Variants in ALG6 observed in about 807,000 individuals in gnomAD.
ALG6 encodes dolichyl pyrophosphate Man9GlcNAc2 alpha-1,3-glucosyltransferase.
Under a neutral mutation model 66.6 loss-of-function variants are expected in ALG6, and 46 were observed. The ratio of observed to expected loss-of-function variants is 0.69; its 90% CI spans 0.55 to 0.88. The LOEUF is 0.88. Among genes scored for constraint, ALG6 ranks in the 40% least tolerant of loss-of-function variants. The probability of loss-of-function intolerance (pLI) is 0.00; values close to 1 mark genes in which losing one functional copy is unlikely to be tolerated. For missense variants in ALG6, 505 were observed against 586.8 expected (o/e 0.86, Z 1.44); for synonymous variants, 185 against 203.7 (o/e 0.91, Z 0.78).
At position 63,406,404 on chromosome 1, in the gene ALG6, G is replaced by A; in HGVS notation, c.429+5G>A. 6.2e-7 allele frequency: 1 copy of A among 1,610,744 alleles called. No homozygotes were observed. On this transcript the variant is annotated splice_donor_5th_base_variant and intron_variant, in intron 6 of 14. Transcript: ENST00000263440. ...GAAATCTCAACTAAGAAAAAGGTAG[G>A]TTTTCAAGCAGCCTGACAGTTCGTC...
chr1:63,382,116 G>C (rs1345689184), intron 2 of ALG6, among the ~76,000 whole-genome samples: 4 of 148,312 alleles, frequency 2.7e-5, no homozygotes, highest in Non-Finnish European at 6.0e-5. Context: ...AATTTGTATG[G>C]GTACATAGTA....
chr1:63,384,814 C>G (rs924433445), intron 2 of ALG6, among the ~76,000 whole-genome samples: 4 of 152,120 alleles, frequency 2.6e-5, no homozygotes, highest in African/African-American at 9.7e-5. Context: ...TCTGGGTTCT[C>G]TATTCTGTTC....
intron 5 of ALG6, among the ~76,000 whole-genome samples, chr1:63,404,967 T>C (rs968004555): frequency 6.6e-6 from 1 of 152,146 alleles, no homozygotes. Context: ...ATCTTATACA[T>C]TGTATTGTTG....
chr1:63,376,850 TCTTA>T (rs1444839255), intron 2 of ALG6, among the ~76,000 whole-genome samples: 6 of 152,198 alleles, frequency 3.9e-5, no homozygotes, highest in Admixed American at 1.3e-4. Context: ...TTTTTTATAT[TCTTA>T]CTGATATTTT....
chr1:63,428,846 A>G (rs745369402), intron 13 of ALG6, 45 bp downstream of exon 13: 1 of 1,586,146 alleles, frequency 6.3e-7, no homozygotes, highest in East Asian at 2.2e-5. Context: ...AATTCTTGTA[A>G]ACTAATTTAA....
chr1:63,435,370 AT>A (rs1325039386), intron 14 of ALG6, among the ~76,000 whole-genome samples: 2 of 152,140 alleles, frequency 1.3e-5, no homozygotes, highest in East Asian at 3.9e-4. Context: ...TGCCTCAGGA[AT>A]TTTTCCTTTA....
chr1:63,371,365 G>A, intron 2 of ALG6: 1 of 366,448 alleles, frequency 2.7e-6, no homozygotes, highest in Non-Finnish European at 5.2e-6. Flanking sequence ...GGGAGGGGTG[G>A]AGTCTGTTTA....
At chr1:63,430,814 A>G (rs931685140) in intron 14 of ALG6, among the ~76,000 whole-genome samples, 29 of 151,894 alleles carry the variant, frequency 1.9e-4, no homozygotes, top group African/African-American at 6.8e-4. Flanking sequence ...TTAACTTGCA[A>G]ATATCCTCTC....
chr1:63,421,461 C>A (rs571511096), intron 12 of ALG6, among the ~76,000 whole-genome samples: 9 of 152,244 alleles, frequency 5.9e-5, no homozygotes, highest in African/African-American at 2.2e-4. Flanking sequence ...ACCCAGCAAT[C>A]CCATTACTGA....
intron 12 of ALG6, among the ~76,000 whole-genome samples, chr1:63,426,825 T>C (rs965300534): frequency 2.6e-5 from 4 of 152,228 alleles, no homozygotes; most frequent in Non-Finnish European, 5.9e-5. Context: ...ATTACAGTTG[T>C]GAGCCCCTGC....
chr1:63,404,833 A>G (rs1314765903), intron 5 of ALG6, among the ~76,000 whole-genome samples: 1 of 152,142 alleles, frequency 6.6e-6, no homozygotes, highest in Non-Finnish European at 1.5e-5. Flanking sequence ...AGCTGAGGAA[A>G]CTGAGGCATA....
chr1:63,372,987 C>CA (rs959056014), intron 2 of ALG6, among the ~76,000 whole-genome samples: 1 of 151,670 alleles, frequency 6.6e-6, no homozygotes, highest in African/African-American at 2.4e-5. Flanking sequence ...TGTATACACA[C>CA]ACACATACAT....
intron 14 of ALG6, among the ~76,000 whole-genome samples, chr1:63,435,532 TTC>T (rs1394623739): frequency 6.6e-6 from 1 of 152,100 alleles, no homozygotes; most frequent in African/African-American, 2.4e-5. Context: ...TCCTTTAGGG[TTC>T]TGTGTCCCAC....
chr1:63,406,988 TAAAAA>T, intron 6 of ALG6, 69 bp from the exon 7 acceptor site: 1 of 1,191,434 alleles, frequency 8.4e-7, no homozygotes, highest in South Asian at 1.2e-5. Flanking sequence ...ATGTGTTAGA[TAAAAA>T]CCACACTTTT....
intron 12 of ALG6, among the ~76,000 whole-genome samples, chr1:63,425,800 T>G (rs1339467940): frequency 2.0e-5 from 3 of 152,068 alleles, no homozygotes; most frequent in Admixed American, 1.3e-4. Context: ...ATGGGAGTGA[T>G]TATAATGATT....
chr1:63,374,154 T>G (rs370566267), intron 2 of ALG6, among the ~76,000 whole-genome samples: 35 of 152,302 alleles, frequency 2.3e-4, no homozygotes, highest in African/African-American at 7.9e-4. Context: ...TCAGTGCTCT[T>G]ATGACTGTGC....
Position 63,396,668 on chromosome 1 carries a change from C to A in ALG6, c.167+71C>A, listed in dbSNP as rs1183720960. On this transcript the variant is annotated intron_variant, in intron 3 of 14. Coordinates refer to ENST00000263440, the MANE Select transcript of ALG6 (RefSeq NM_013339.4). ...AGATTGTTTGAAAATATTAAAGGGA[C>A]AACACGCTATTTTCTTCATCTTGAA... 6 of 1,313,006 alleles carry A rather than the reference C, an allele frequency of 4.6e-6. No homozygotes were observed. The Admixed American group carries it at 1.0e-4, about 23-fold the overall frequency. The allele number at this position is 1,313,006 out of a possible 1,614,324, so 81.3% of individuals were successfully genotyped here.
At chr1:63,400,355 ATATATG>A (rs1644457767) in intron 3 of ALG6, among the ~76,000 whole-genome samples, 1 of 118,436 alleles carries the variant, frequency 8.4e-6, no homozygotes, top group Admixed American at 9.5e-5. Flanking sequence ...ATATGTATAT[ATATATG>A]TATATATATG....
At chr1:63,423,084 C>T (rs948194216) in intron 12 of ALG6, among the ~76,000 whole-genome samples, 8 of 148,308 alleles carry the variant, frequency 5.4e-5, no homozygotes, top group African/African-American at 1.8e-4. Context: ...AGTGCAGTGG[C>T]GTGATCTTTG....
Sources: allele counts gnomAD v4.1 joint callset (sites outside exome capture counted in the v4.1 genomes callset), GRCh38; gene constraint gnomAD v4.1.1; transcripts MANE v1.5; gene names NCBI Gene and HGNC (gene_info 2026-07-23, HGNC 2026-07-21).